XPO4: variants seen among roughly 807,000 people sequenced by gnomAD.
XPO4 encodes exportin-4.
XPO4 carries 39 observed loss-of-function variants against 143.0 expected under a neutral mutation model. The ratio of observed to expected loss-of-function variants is 0.27; its 90% CI spans 0.21 to 0.36. The LOEUF is 0.36. XPO4 is among the 10% of genes least tolerant of loss of function. The pLI, the probability that XPO4 is intolerant of heterozygous loss-of-function variation, is 1.00. For missense variants in XPO4, 907 were observed against 1,348.0 expected, an observed-to-expected ratio of 0.67 and a Z score of 5.12; for synonymous variants, 439 against 474.0, an observed-to-expected ratio of 0.93 and a Z score of 0.96.
chr13:20,825,709 G>A (rs371674946), intron 7 of XPO4, among the ~76,000 whole-genome samples: 21 of 152,190 alleles, frequency 1.4e-4, no homozygotes, highest in Admixed American at 3.9e-4. Context: ...ACTTGGATTC[G>A]TATCAAAACA....
chr13:20,863,696 T>C (rs1183869670), intron 2 of XPO4, among the ~76,000 whole-genome samples: 1 of 152,154 alleles, frequency 6.6e-6, no homozygotes, highest in Non-Finnish European at 1.5e-5. Context: ...AAAGCAGAAA[T>C]TTTCTGAGGC....
At chr13:20,808,665 ATGAAT>A in intron 11 of XPO4, 84 bp from the exon 12 acceptor site, 1 of 1,185,170 alleles carries the variant, frequency 8.4e-7, no homozygotes, top group Non-Finnish European at 1.1e-6. Context: ...ATTAGACAAC[ATGAAT>A]TGAATGTTAG....
intron 12 of XPO4, among the ~76,000 whole-genome samples, chr13:20,808,216 G>A (rs2059532380): frequency 6.6e-6 from 1 of 152,120 alleles, no homozygotes; most frequent in South Asian, 2.1e-4. Context: ...AATTCAGCGG[G>A]TAGAATGAGA....
intron 9 of XPO4, among the ~76,000 whole-genome samples, chr13:20,817,993 G>A (rs1226114980): frequency 2.0e-5 from 3 of 151,844 alleles, no homozygotes; most frequent in Non-Finnish European, 2.9e-5. Context: ...ACGGAGCTTC[G>A]ATGTGTTGGC....
chr13:20,891,642 T>G (rs976785833), intron 1 of XPO4, among the ~76,000 whole-genome samples: 1 of 151,926 alleles, frequency 6.6e-6, no homozygotes, highest in Admixed American at 6.6e-5. Flanking sequence ...GCAGGCGGAC[T>G]GCCTGAGCTC....
At chr13:20,812,499 T>C (rs1032296096) in intron 9 of XPO4, among the ~76,000 whole-genome samples, 1 of 151,556 alleles carries the variant, frequency 6.6e-6, no homozygotes, top group African/African-American at 2.4e-5. Context: ...ACAGGAAGGG[T>C]AGGCGTCTTT....
chr13:20,830,192 C>T (rs2059835176), intron 6 of XPO4, among the ~76,000 whole-genome samples: 1 of 152,050 alleles, frequency 6.6e-6, no homozygotes, highest in South Asian at 2.1e-4. Flanking sequence ...TGTTGGTAAC[C>T]AGAATAGTTT....
rs1555341418 is a variant in XPO4, at chr13:20,870,104, A to AAAAGAATTG, written c.70-1412_70-1404dup. 9.6e-3 allele frequency among the ~76,000 whole-genome samples: 1,429 copies of AAAAGAATTG among 149,624 alleles called. 48 individuals carry two copies. Among genetic ancestry groups the AAAAGAATTG allele is most frequent in the African/African-American group, 0.033 (1,316 of 39,516 alleles). On this transcript the variant is annotated intron_variant, in intron 1 of 22. Transcript: ENST00000255305. ...GAAGGAGTCTCAAAAAAAAAAAAAA[A>AAAAGAATTG]AAAGAATTGTGTTAAATTCTTTAAC...
rs900387439 is a variant in XPO4 at position 20,881,548 on chromosome 13, G to T, written c.70-12847C>A. Among the ~76,000 whole-genome samples, 4 of 152,034 alleles carry T rather than the reference G, an allele frequency of 2.6e-5. No individual in the cohort carries two copies. In the East Asian group the frequency reaches 5.8e-4, roughly 22 times the overall value. ...GCCTCCCAAAGTGCTGGAATTACAG[G>T]CATGAGCCACCACATCCAGCCAATA... On this transcript the variant is annotated intron_variant, in intron 1 of 22. Transcript: ENST00000255305.
chr13:20,886,555 G>C (rs574248536), intron 1 of XPO4, among the ~76,000 whole-genome samples: 68 of 152,148 alleles, frequency 4.5e-4, no homozygotes, highest in African/African-American at 1.3e-3. Context: ...GTGGGTTCAA[G>C]ACTGCAGAGG....
chr13:20,902,271 G>A (rs926665927), intron 1 of XPO4: 3 of 985,302 alleles, frequency 3.0e-6, no homozygotes, highest in Non-Finnish European at 3.6e-6. Flanking sequence ...AATCCCTCCC[G>A]ACACCAACTC....
chr13:20,831,480 A>G (rs2059851230), intron 6 of XPO4, among the ~76,000 whole-genome samples: 2 of 152,224 alleles, frequency 1.3e-5, no homozygotes, highest in Non-Finnish European at 2.9e-5. Flanking sequence ...TTTATGAGAC[A>G]CACAAGTCAC....
intron 7 of XPO4, among the ~76,000 whole-genome samples, chr13:20,824,821 A>C (rs138467329): frequency 6.6e-6 from 1 of 152,360 alleles, no homozygotes; most frequent in Admixed American, 6.5e-5. Flanking sequence ...AGGAAGGAGA[A>C]GCAAGTAAGG....
chr13:20,847,821 A>C (rs1229925952), intron 4 of XPO4, among the ~76,000 whole-genome samples: 1 of 152,244 alleles, frequency 6.6e-6, no homozygotes, highest in East Asian at 1.9e-4. Flanking sequence ...AGTATAAAAT[A>C]CAAATCTTAA....
chr13:20,808,975 T>A, intron 11 of XPO4, 108 bp downstream of exon 11: 2 of 1,271,530 alleles, frequency 1.6e-6, no homozygotes, highest in East Asian at 2.3e-5. Flanking sequence ...TCCAGTGTGC[T>A]GGGACACGGG....
At chr13:20,868,148 C>A (rs2060260593) in intron 2 of XPO4, among the ~76,000 whole-genome samples, 1 of 150,180 alleles carries the variant, frequency 6.7e-6, no homozygotes. Context: ...ATTAAGCAAG[C>A]TGAGTACAAA....
intron 6 of XPO4, among the ~76,000 whole-genome samples, chr13:20,837,074 T>G (rs2059924666): frequency 6.6e-6 from 1 of 152,208 alleles, no homozygotes; most frequent in African/African-American, 2.4e-5. Flanking sequence ...CATCAGCTGA[T>G]GGACATTTGG....
At chr13:20,857,237 G>A (rs1048445298) in intron 3 of XPO4, among the ~76,000 whole-genome samples, 5 of 152,166 alleles carry the variant, frequency 3.3e-5, no homozygotes, top group Non-Finnish European at 5.9e-5. Context: ...ACATAAAGCT[G>A]AAGACTATGA....
Position 20,782,016 on chromosome 13 carries a change from A to G in XPO4, c.*1706T>C, listed in dbSNP as rs2059149255. On this transcript the variant is annotated 3_prime_UTR_variant, in exon 23 of 23. Transcript: ENST00000255305. ...TTCAAGATGTTTTTGCTTCCCCTTA[A>G]TTGTGACTCAAAGCTAATCAAATTG... 1 of 152,240 alleles carries G rather than the reference A, an allele frequency of 6.6e-6. No homozygotes were observed. The highest frequency in any genetic ancestry group is 2.4e-5 in the African/African-American group (1 of 41,464). 9.4% of individuals were successfully genotyped at this position (152,240 alleles called of 1,614,324 possible).
Sources: allele counts gnomAD v4.1 joint callset (sites outside exome capture counted in the v4.1 genomes callset), GRCh38; gene constraint gnomAD v4.1.1; transcripts MANE v1.5; gene names NCBI Gene and HGNC (gene_info 2026-07-23, HGNC 2026-07-21).